The following FASTKD5 variants were observed in gnomAD, a reference collection of about 807,000 sequenced individuals.
FASTKD5 encodes the protein FAST kinase domains 5, also known as non-canonical pre-mRNAs endonuclease FASTKD5, mitochondrial.
In FASTKD5, 30 loss-of-function variants were observed where a neutral mutation model predicts 44.0. The observed-to-expected ratio is 0.68, with a 90% CI of 0.51 to 0.93. The LOEUF is 0.93. Ranked by LOEUF, FASTKD5 falls within the 40% of genes least tolerant of loss-of-function variation. The pLI is 0.00. For synonymous variants in FASTKD5, 335 were observed against 342.2 expected, an observed-to-expected ratio of 0.98 and a Z score of 0.23; for missense variants, 868 against 908.2, an observed-to-expected ratio of 0.96 and a Z score of 0.57.
chr20:3,158,503 T>C (rs113209225), intron 1 of FASTKD5, among the ~76,000 whole-genome samples: 1 of 152,286 alleles, frequency 6.6e-6, no homozygotes, highest in African/African-American at 2.4e-5. Context: ...AGACGGACTC[T>C]CGCTCTCTCG....
intron 1 of FASTKD5, among the ~76,000 whole-genome samples, chr20:3,152,982 A>G (rs1402368970): frequency 6.6e-6 from 1 of 152,194 alleles, no homozygotes; most frequent in Non-Finnish European, 1.5e-5. Context: ...GCCATAGTAA[A>G]GCGAAAAACA....
Position 3,148,806 on chromosome 20 carries a change from T to TTAGAGGAA in FASTKD5, c.264_265insTTCCTCTA (p.Ser89PhefsTer3), listed in dbSNP as rs2066595513. Reference sequence around the variant, plus strand: ...CTGGGTGAGCCCAGCTGCAATGTACTGGCCTTAGAGGAAGAAGTCTTGCTG... The same window carrying TTAGAGGAA: ...CTGGGTGAGCCCAGCTGCAATGTACTTAGAGGAAGGCCTTAGAGGAAGAAGTCTTGCTG... On this transcript the variant is annotated frameshift_variant, in exon 2 of 2. Transcript: ENST00000380266. LOFTEE classifies it high-confidence loss of function. The TTAGAGGAA allele has an allele frequency of 3.1e-6, 5 of 1,614,116 alleles. No individual in the cohort carries two copies. The highest frequency in any genetic ancestry group is 4.2e-6 in the Non-Finnish European group (5 of 1,180,038).
At chr20:3,153,979 A>C (rs1024896619) in intron 1 of FASTKD5, among the ~76,000 whole-genome samples, 12 of 152,170 alleles carry the variant, frequency 7.9e-5, no homozygotes, top group Non-Finnish European at 1.6e-4. Flanking sequence ...TGGAATGCTC[A>C]ACCTGTACTT....
chr20:3,148,860 T>G lies in FASTKD5; in HGVS notation c.211A>C (p.Thr71Pro). 5 of 1,614,224 alleles carry G rather than the reference T, an allele frequency of 3.1e-6. No individual in the cohort carries two copies. Among genetic ancestry groups the G allele is most frequent in the Non-Finnish European group, 4.2e-6 (5 of 1,180,048 alleles). The change falls in exon 2 of 2, where the codon ACC becomes CCC. Residue 71 changes from threonine (T) to proline (P), a missense_variant. By Grantham distance (38) the Thr-to-Pro change is conservative. Transcript: ENST00000380266. ...TCCAAACCTGGGTGGGCACTGCTGG[T>G]TGTCAGGATTCTCCGAGAAGAGAAG... is the stretch of plus-strand genomic sequence containing the variant. ...STFSSRRILT[T>P]SSAHPGLEFS...
chr20:3,148,079 T>C lies in FASTKD5; in HGVS notation c.992A>G (p.Asn331Ser), dbSNP rs750463487. The stretch of plus-strand genomic sequence containing the variant: ...TTTCCGCATGACAAATTCAGAGAGA[T>C]TAGTACTTGATTTAAAGAACCCCAA... ...ICLGFFKSST[N>S]LSEFVMRKIG... The change falls in exon 2 of 2, where the codon AAT (asparagine) becomes AGT (serine). Residue 331 changes from asparagine to serine, a missense_variant. By Grantham distance (46) the Asn-to-Ser change is conservative. Coordinates refer to ENST00000380266, the MANE Select transcript of FASTKD5 (RefSeq NM_021826.5). 3.7e-6 allele frequency: 6 copies of C among 1,614,116 alleles called. No individual in the cohort carries two copies. The highest frequency in any genetic ancestry group is 5.1e-6 in the Non-Finnish European group (6 of 1,180,020).
At position 3,148,871 on chromosome 20, in the gene FASTKD5, C is replaced by A; in HGVS notation, c.200G>T (p.Arg67Ile). The A allele has an allele frequency of 1.2e-6, 2 of 1,614,214 alleles. No homozygotes were observed. Among genetic ancestry groups the A allele is most frequent in the Non-Finnish European group, 1.7e-6 (2 of 1,180,046 alleles). The change falls in exon 2 of 2, where the codon AGA (arginine) becomes ATA (isoleucine). Residue 67 changes from arginine to isoleucine, a missense_variant. Transcript: ENST00000380266. ...KNICSTFSSRRILTTSSAHPG... is the reference protein window; with the variant it reads ...KNICSTFSSRIILTTSSAHPG... ...GTGGGCACTGCTGGTTGTCAGGATT[C>A]TCCGAGAAGAGAAGGTGCTACATAT...
chr20:3,155,338 T>C (rs536093221), intron 1 of FASTKD5, among the ~76,000 whole-genome samples: 1 of 152,322 alleles, frequency 6.6e-6, no homozygotes, highest in South Asian at 2.1e-4. Context: ...GAGACCAGCC[T>C]GGCCAACGTG....
At position 3,148,801 on chromosome 20, in the gene FASTKD5, T is replaced by G. The variant is rs768320896; in HGVS notation, c.270A>C (p.Thr90=). The change falls in exon 2 of 2, where the codon ACA becomes ACC. Residue 90 remains threonine, a synonymous_variant. Coordinates refer to ENST00000380266, the MANE Select transcript of FASTKD5 (RefSeq NM_021826.5). ...FSKTSSSKAS[T]LQLGSPRATG... ...TGGCCCTGGGTGAGCCCAGCTGCAA[T>G]GTACTGGCCTTAGAGGAAGAAGTCT... The G allele has an allele frequency of 1.2e-5, 19 of 1,614,244 alleles. No homozygotes were observed. The highest frequency in any genetic ancestry group is 2.2e-5 in the East Asian group (1 of 44,894).
rs1482773048 is a variant in FASTKD5 at position 3,148,037 on chromosome 20, C to T, written c.1034G>A (p.Cys345Tyr). The change falls in exon 2 of 2, where the codon TGT becomes TAT. Residue 345 changes from cysteine to tyrosine, a missense_variant. Physicochemically the swap from Cys to Tyr is radical, Grantham distance 194. Transcript: ENST00000380266. ...ACTACTCAGATGCTGAATGTTAGCA[C>T]AAGCCAAGTCTCCAATTTTCCGCAT... ...FVMRKIGDLACANIQHLSSRS... is the reference protein window; with the variant it reads ...FVMRKIGDLAYANIQHLSSRS... 6.2e-7 allele frequency: 1 copy of T among 1,614,044 alleles called. No homozygotes were observed. Among genetic ancestry groups the T allele is most frequent in the African/African-American group, 1.3e-5 (1 of 74,916 alleles).
chr20:3,151,625 TAAAATAAAATAA>T (rs2148624101), intron 1 of FASTKD5: 1 of 150,674 alleles, frequency 6.6e-6, no homozygotes, highest in East Asian at 2.0e-4. Context: ...GTCTAAAAAA[TAAAATAAAATAA>T]AAAATAAATT....
rs767101686 is a variant in FASTKD5, at chr20:3,148,975, A to G, written c.96T>C (p.Asn32=). ...GTCCCCCATGCTGTGTGCTGCTCACATTCCAGTATGACACACTTCGGACTG... is the reference window on the plus strand; with the variant it reads ...GTCCCCCATGCTGTGTGCTGCTCACGTTCCAGTATGACACACTTCGGACTG... ...FGAVRSVSYW[N]VSSTQHGGQD... Residue 32 remains asparagine, a synonymous_variant, in exon 2 of 2, where the codon AAT becomes AAC. Transcript: ENST00000380266. 1 of 1,614,222 alleles carries G rather than the reference A, an allele frequency of 6.2e-7. No homozygotes were observed. The highest frequency in any genetic ancestry group is 1.7e-5 in the Admixed American group (1 of 60,028).
At chr20:3,157,027 C>T (rs910923189) in intron 1 of FASTKD5, among the ~76,000 whole-genome samples, 1 of 152,126 alleles carries the variant, frequency 6.6e-6, no homozygotes, top group Admixed American at 6.5e-5. Flanking sequence ...TTTGGAAGGC[C>T]GAGCAGGCAG....
At position 3,146,738 on chromosome 20, in the gene FASTKD5, A is replaced by C; in HGVS notation, c.*38T>G. On this transcript the variant is annotated 3_prime_UTR_variant, in exon 2 of 2. Coordinates refer to ENST00000380266, the MANE Select transcript of FASTKD5 (RefSeq NM_021826.5). ...TTTTGCAACACCTGGTACAGTATAC[A>C]CCTATAGCTTTGCCATAGAAATGCC... 6.3e-7 allele frequency: 1 copy of C among 1,588,394 alleles called. No homozygotes were observed. The highest frequency in any genetic ancestry group is 8.6e-7 in the Non-Finnish European group (1 of 1,167,642).
At chr20:3,153,146 A>G (rs990144011) in intron 1 of FASTKD5, among the ~76,000 whole-genome samples, 6 of 152,252 alleles carry the variant, frequency 3.9e-5, no homozygotes, top group African/African-American at 1.4e-4. Context: ...TTAAAACATT[A>G]AATAATTAAA....
chr20:3,158,170 T>G (rs1200427495), intron 1 of FASTKD5, among the ~76,000 whole-genome samples: 1 of 152,104 alleles, frequency 6.6e-6, no homozygotes, highest in African/African-American at 2.4e-5. Context: ...AGTTTCCCTA[T>G]GTTGCCCCCA....
chr20:3,152,669 A>G (rs2066643224), intron 1 of FASTKD5, among the ~76,000 whole-genome samples: 1 of 152,162 alleles, frequency 6.6e-6, no homozygotes, highest in Non-Finnish European at 1.5e-5. Flanking sequence ...GCACTTCAGG[A>G]GGCCAAGGTG....
rs549717115 is a variant in FASTKD5 at position 3,153,117 on chromosome 20, T to C, written c.-190-3857A>G. 5.9e-5 allele frequency among the ~76,000 whole-genome samples: 9 copies of C among 152,308 alleles called. No homozygotes were observed. The South Asian group carries it at 1.9e-3, about 32-fold the overall frequency. On this transcript the variant is annotated intron_variant, in intron 1 of 1. Coordinates refer to ENST00000380266, the MANE Select transcript of FASTKD5 (RefSeq NM_021826.5). ...ACATAAACAAGAATTAACAAATATC[T>C]CTATAAATGATATTAATTTTAAAAC...
chr20:3,155,550 G>A (rs999623248), intron 1 of FASTKD5, among the ~76,000 whole-genome samples: 1 of 151,950 alleles, frequency 6.6e-6, no homozygotes, highest in Non-Finnish European at 1.5e-5. Context: ...AAGTGGGTCG[G>A]GAGAGGAAAC....
chr20:3,151,051 T>G (rs764287257), intron 1 of FASTKD5, among the ~76,000 whole-genome samples: 6 of 150,756 alleles, frequency 4.0e-5, no homozygotes, highest in Non-Finnish European at 8.8e-5. Flanking sequence ...CCAGTTAGTG[T>G]GTGTTTGTGT....
Sources: allele counts gnomAD v4.1 joint callset (sites outside exome capture counted in the v4.1 genomes callset), GRCh38; gene constraint gnomAD v4.1.1; transcripts MANE v1.5; gene names NCBI Gene and HGNC (gene_info 2026-07-23, HGNC 2026-07-21).